The following RAB36 variants were observed in gnomAD, a reference collection of about 807,000 sequenced individuals.
RAB36 encodes RAB36, member RAS oncogene family.
Under a neutral mutation model 39.3 loss-of-function variants are expected in RAB36, and 33 were observed. That is an observed-to-expected ratio of 0.84 (90% CI 0.64 to 1.12). The LOEUF is 1.12. RAB36 is among the 50% of genes most tolerant of loss of function. RAB36 has a pLI of 0.00. For synonymous variants in RAB36, 133 were observed against 140.2 expected (o/e 0.95, Z 0.36); for missense variants, 308 against 355.3 (o/e 0.87, Z 1.07).
chr22:23,154,826 GAA>G (rs1180188604), intron 5 of RAB36, among the ~76,000 whole-genome samples: 1 of 152,138 alleles, frequency 6.6e-6, no homozygotes, highest in African/African-American at 2.4e-5. Flanking sequence ...TGGATCACTT[GAA>G]AAAAATTCAG....
chr22:23,153,678 C>T (rs117280554), intron 5 of RAB36: 21,943 of 693,040 alleles, frequency 0.032, 338 homozygotes, highest in Non-Finnish European at 0.036. Flanking sequence ...GCCTCACTTT[C>T]CTTCCACTTC....
chr22:23,152,310 G>A (rs970266484), intron 3 of RAB36, 151 bp from the exon 4 acceptor site: 2 of 755,136 alleles, frequency 2.6e-6, no homozygotes, highest in African/African-American at 1.7e-5. Flanking sequence ...ACTGTGAAGG[G>A]GGAACACAGT....
rs1028819474 is a variant in RAB36, at chr22:23,146,995, T to C, written c.69+310T>C. On this transcript the variant is annotated intron_variant, in intron 2 of 10. Coordinates refer to ENST00000263116, the MANE Select transcript of RAB36 (RefSeq NM_004914.5). The stretch of plus-strand genomic sequence containing the variant: ...GTGGCTGTGGGCAAATTACTCAACC[T>C]CTCAGAGCCACTGTTACATGAAGGT... Among the ~76,000 whole-genome samples the C allele has an allele frequency of 5.3e-5, 8 of 152,288 alleles. No homozygotes were observed. In the East Asian group the frequency reaches 1.5e-3, roughly 29 times the overall value.
intron 5 of RAB36, 77 bp from the exon 6 acceptor site, chr22:23,155,891 C>T: frequency 7.3e-7 from 1 of 1,369,356 alleles, no homozygotes; most frequent in Non-Finnish European, 9.9e-7. Context: ...CACCCATGGT[C>T]CCGTAGCCTG....
At chr22:23,152,395 G>T in intron 3 of RAB36, 66 bp from the exon 4 acceptor site, 1 of 1,529,190 alleles carries the variant, frequency 6.5e-7, no homozygotes, top group Admixed American at 1.7e-5. Context: ...GGAAGGAAGG[G>T]GCTGTGAGTG....
chr22:23,157,738 C>T (rs891090881), intron 6 of RAB36, among the ~76,000 whole-genome samples: 3 of 152,222 alleles, frequency 2.0e-5, no homozygotes, highest in Non-Finnish European at 1.5e-5. Context: ...CCCATGCGCT[C>T]GCTCCACGCC....
intron 4 of RAB36, among the ~76,000 whole-genome samples, chr22:23,152,753 TC>T (rs765195002): frequency 6.6e-6 from 1 of 152,104 alleles, no homozygotes; most frequent in Non-Finnish European, 1.5e-5. Context: ...TGTCAGACTG[TC>T]CCCCTGGGGC....
intron 1 of RAB36, 22 bp downstream of exon 1, chr22:23,145,573 G>A (rs762045062): frequency 1.3e-6 from 2 of 1,589,884 alleles, no homozygotes; most frequent in Admixed American, 1.7e-5. Context: ...CGCCCACTCT[G>A]TCCGACCCTC....
chr22:23,159,049 G>C, intron 8 of RAB36, 70 bp downstream of exon 8: 1 of 1,586,142 alleles, frequency 6.3e-7, no homozygotes, highest in Non-Finnish European at 8.6e-7. Flanking sequence ...CCTCATTGGA[G>C]GAGCCATGGG....
chr22:23,159,884 A>G (rs2071677961), intron 9 of RAB36, among the ~76,000 whole-genome samples: 1 of 152,134 alleles, frequency 6.6e-6, no homozygotes, highest in Non-Finnish European at 1.5e-5. Flanking sequence ...CCTCCATCTC[A>G]TCTGGGAAGC....
In RAB36 at chr22:23,161,437, C is replaced by G. The variant is rs1030583247; in HGVS notation, c.740-63C>G. The G allele has an allele frequency of 5.0e-6, 7 of 1,407,304 alleles. No homozygotes were observed. The African/African-American group carries it at 9.9e-5, about 20-fold the overall frequency. 87.2% of individuals were successfully genotyped at this position (1,407,304 alleles called of 1,614,324 possible). The stretch of plus-strand genomic sequence containing the variant: ...AGCTCTGACTGTCAGGGCCGGCATC[C>G]CCTGCCCAGTGTCAGCTACAGGATT... On this transcript the variant is annotated intron_variant, in intron 10 of 10. Transcript: ENST00000263116.
At chr22:23,152,393 G>T (rs1458516780) in intron 3 of RAB36, 68 bp from the exon 4 acceptor site, 1 of 1,521,588 alleles carries the variant, frequency 6.6e-7, no homozygotes, top group Non-Finnish European at 9.1e-7. Flanking sequence ...AGGGAAGGAA[G>T]GGGCTGTGAG....
intron 4 of RAB36, 26 bp from the exon 5 acceptor site, chr22:23,153,006 CT>C: frequency 6.5e-7 from 1 of 1,538,344 alleles, no homozygotes; most frequent in Non-Finnish European, 9.0e-7. Flanking sequence ...GAGTACACCC[CT>C]GTGACGACTT....
intron 3 of RAB36, among the ~76,000 whole-genome samples, chr22:23,151,211 T>C (rs2071102298): frequency 1.3e-5 from 2 of 152,132 alleles, no homozygotes; most frequent in Non-Finnish European, 2.9e-5. Context: ...GGTGGTGGGA[T>C]GAGAGTAATG....
rs1361821682 is a variant in RAB36 at position 23,158,994 on chromosome 22, A to G, written c.528+15A>G. 1.9e-6 allele frequency: 3 copies of G among 1,613,170 alleles called. No homozygotes were observed. Among genetic ancestry groups the G allele is most frequent in the Non-Finnish European group, 2.5e-6 (3 of 1,179,138 alleles). ...AGGACCTTCTGGTGAGCAGAGTGGC[A>G]CTGGTGGTCTGGGTGGCCCTTGGGA... On this transcript the variant is annotated intron_variant, in intron 8 of 10. Coordinates refer to ENST00000263116, the MANE Select transcript of RAB36 (RefSeq NM_004914.5).
At chr22:23,152,919 G>A (rs1450524738) in intron 4 of RAB36, 114 bp from the exon 5 acceptor site, 14 of 767,274 alleles carry the variant, frequency 1.8e-5, no homozygotes, top group South Asian at 3.2e-5. Context: ...GTGGACCATC[G>A]CTTCCTGATG....
At position 23,164,621 on chromosome 22, in the gene RAB36, G is replaced by T. The variant is rs868377700; in HGVS notation, c.*3057G>T. On this transcript the variant is annotated 3_prime_UTR_variant, in exon 11 of 11. Transcript: ENST00000263116. ...TCCTGGGCAGAGGCACTTTCTGTTG[G>T]TCTGGTCTTGTGGGCCCAGGCAAGC... Among the ~76,000 whole-genome samples, 19 of 152,284 alleles carry T rather than the reference G, an allele frequency of 1.2e-4. No individual in the cohort carries two copies. Among genetic ancestry groups the T allele is most frequent in the Middle Eastern group, 6.8e-3 (2 of 294 alleles).
chr22:23,161,669 C>T lies in RAB36; in HGVS notation c.*105C>T. ...CCCAAGCTCTGCAGCGTGTCGCCCT[C>T]AAGCTGTAGGCCCATGTTCCAGTCC... On this transcript the variant is annotated 3_prime_UTR_variant, in exon 11 of 11. Coordinates refer to ENST00000263116, the MANE Select transcript of RAB36 (RefSeq NM_004914.5). 1.9e-6 allele frequency: 2 copies of T among 1,035,594 alleles called. No individual in the cohort carries two copies. Among genetic ancestry groups the T allele is most frequent in the Non-Finnish European group, 2.8e-6 (2 of 712,566 alleles). The allele number at this position is 1,035,594 out of a possible 1,614,324, so 64.2% of individuals were successfully genotyped here. A position where few individuals can be genotyped will look rare whatever the true frequency, so the allele number is the denominator to read the frequency against.
At chr22:23,154,475 A>G (rs972321661) in intron 5 of RAB36, among the ~76,000 whole-genome samples, 5 of 152,248 alleles carry the variant, frequency 3.3e-5, no homozygotes, top group African/African-American at 1.2e-4. Flanking sequence ...AGTCAAGAGC[A>G]AAGGAGGCTG....
Sources: gnomAD v4.1 joint callset for allele counts (sites outside exome capture counted in the v4.1 genomes callset) on GRCh38, gnomAD v4.1.1 for gene constraint, MANE v1.5 for transcripts, NCBI Gene and HGNC (gene_info 2026-07-23, HGNC 2026-07-21) for gene names.